Variants in FAM193B observed in about 807,000 individuals in gnomAD.
The protein encoded by FAM193B is protein FAM193B.
FAM193B carries 27 observed loss-of-function variants against 70.7 expected under a neutral mutation model. That is an observed-to-expected ratio of 0.38 (90% CI 0.28 to 0.53). FAM193B has a LOEUF of 0.53. Ranked by LOEUF, FAM193B falls within the 20% of genes least tolerant of loss-of-function variation. The pLI is 0.81. For synonymous variants in FAM193B, 448 were observed against 436.0 expected, an observed-to-expected ratio of 1.03 and a Z score of -0.34; for missense variants, 1,022 against 1,072.5, an observed-to-expected ratio of 0.95 and a Z score of 0.66.
chr5:177,524,163 G>A (rs772377418), intron 6 of FAM193B, 22 bp downstream of exon 6: 15 of 1,581,466 alleles, frequency 9.5e-6, no homozygotes, highest in Admixed American at 1.8e-5. Context: ...GGGGTCAGCC[G>A]CTCAGTTCCT....
intron 1 of FAM193B, chr5:177,553,839 A>G (rs1433409303): frequency 1.6e-6 from 2 of 1,281,156 alleles, no homozygotes; most frequent in Non-Finnish European, 2.0e-6. Flanking sequence ...CCGGGGGCAG[A>G]GGGAAGAGGC....
intron 5 of FAM193B, among the ~76,000 whole-genome samples, chr5:177,530,782 G>C (rs1216760936): frequency 6.6e-6 from 1 of 152,140 alleles, no homozygotes; most frequent in Non-Finnish European, 1.5e-5. Context: ...AAGCTGCTGT[G>C]GAATGTGCCG....
chr5:177,534,365 C>T (rs1205505004), intron 4 of FAM193B, among the ~76,000 whole-genome samples: 4 of 148,038 alleles, frequency 2.7e-5, no homozygotes, highest in Admixed American at 6.8e-5. Flanking sequence ...GTTGCGACCT[C>T]GGCTCACTGC....
chr5:177,539,710 T>A (rs1184520904), intron 1 of FAM193B, among the ~76,000 whole-genome samples: 1 of 152,210 alleles, frequency 6.6e-6, no homozygotes, highest in African/African-American at 2.4e-5. Flanking sequence ...GGAAATTGTG[T>A]CAGAGGGAAG....
intron 1 of FAM193B, among the ~76,000 whole-genome samples, chr5:177,540,290 G>C (rs1764696519): frequency 7.3e-6 from 1 of 136,440 alleles, no homozygotes; most frequent in African/African-American, 2.8e-5. Context: ...CTGGGCGACA[G>C]AGCGAGACTC....
At position 177,532,527 on chromosome 5, in the gene FAM193B, T is replaced by TCGCTCAGAGCTG. The variant is rs1763636186; in HGVS notation, c.1179_1190dup (p.Glu396_Ser399dup). The TCGCTCAGAGCTG allele has an allele frequency of 3.7e-6, 6 of 1,609,506 alleles. No individual in the cohort carries two copies. Among genetic ancestry groups the TCGCTCAGAGCTG allele is most frequent in the Non-Finnish European group, 5.1e-6 (6 of 1,178,370 alleles). On this transcript the variant is annotated inframe_insertion, in exon 5 of 9. Coordinates refer to ENST00000514747, the MANE Select transcript of FAM193B (RefSeq NM_001190946.3). This position sits in a 1 kb window ranked among gnomAD's most constrained non-coding sequence, Gnocchi z 4.9. ...GGGTGGAGGATGAGGTGCAGGAGCT[T>TCGCTCAGAGCTG]CGCTCAGAGCTGCTATCCTCTTCCT...
intron 8 of FAM193B, among the ~76,000 whole-genome samples, chr5:177,521,478 A>G (rs1761727309): frequency 1.3e-5 from 2 of 152,186 alleles, no homozygotes; most frequent in Admixed American, 1.3e-4. Context: ...CTCCATGCCT[A>G]AATGACCCAC....
intron 1 of FAM193B, among the ~76,000 whole-genome samples, chr5:177,540,944 C>A (rs1764778263): frequency 6.6e-6 from 1 of 152,128 alleles, no homozygotes; most frequent in Non-Finnish European, 1.5e-5. Flanking sequence ...ATTAGGGTAT[C>A]CTTAAACCTC....
chr5:177,531,357 G>A (rs1268093117), intron 5 of FAM193B: 3 of 1,361,910 alleles, frequency 2.2e-6, no homozygotes, highest in Non-Finnish European at 2.9e-6. Context: ...TGCTGTTGAT[G>A]AATTCCAGCA....
At chr5:177,553,721 G>T in intron 1 of FAM193B, 3 of 1,287,868 alleles carry the variant, frequency 2.3e-6, no homozygotes, top group Non-Finnish European at 3.0e-6. Flanking sequence ...GGGCAGCCTG[G>T]CTGTCTGCTC....
intron 1 of FAM193B, chr5:177,553,255 T>G (rs1581957568): frequency 2.0e-6 from 2 of 986,198 alleles, no homozygotes; most frequent in Non-Finnish European, 2.4e-6. Flanking sequence ...TGCTGCCCGA[T>G]GCAGTGTCTG....
intron 4 of FAM193B, among the ~76,000 whole-genome samples, chr5:177,534,199 T>TA: frequency 6.6e-6 from 1 of 152,110 alleles, no homozygotes; most frequent in Non-Finnish European, 1.5e-5. Flanking sequence ...TGACGTGGAT[T>TA]AAAAAAGATG....
At chr5:177,522,787 T>A (rs923695935) in intron 7 of FAM193B, among the ~76,000 whole-genome samples, 3 of 152,260 alleles carry the variant, frequency 2.0e-5, no homozygotes, top group Non-Finnish European at 4.4e-5. Flanking sequence ...CAATCTTGGC[T>A]TACTGCAACC....
chr5:177,523,299 C>T, intron 7 of FAM193B: 1 of 300,378 alleles, frequency 3.3e-6, no homozygotes, highest in South Asian at 2.5e-5. Flanking sequence ...CGCGCTTGGC[C>T]AAAAATACTA....
chr5:177,531,713 G>A lies in FAM193B; in HGVS notation c.1275+730C>T, dbSNP rs1416077358. The A allele has an allele frequency of 8.2e-6, 5 of 613,044 alleles. No homozygotes were observed. In the Admixed American group the frequency reaches 1.1e-4, roughly 14 times the overall value. The allele number at this position is 613,044 out of a possible 1,614,324, so 38.0% of individuals were successfully genotyped here. A position where few individuals can be genotyped will look rare whatever the true frequency, so the allele number is the denominator to read the frequency against. ...GGCAGTGGGTGAAGGGACTAGGAGGGAACAGGGCAGAGCTGGGCAAACACT... is the reference window on the plus strand; with the variant it reads ...GGCAGTGGGTGAAGGGACTAGGAGGAAACAGGGCAGAGCTGGGCAAACACT... On this transcript the variant is annotated intron_variant, in intron 5 of 8. Transcript: ENST00000514747.
At chr5:177,522,179 A>G in intron 7 of FAM193B, 108 bp from the exon 8 acceptor site, 2 of 880,708 alleles carry the variant, frequency 2.3e-6, no homozygotes, top group South Asian at 3.0e-5. Context: ...GGTTCTCTAC[A>G]AAACCTCTTT....
chr5:177,525,335 G>T, intron 5 of FAM193B, 130 bp from the exon 6 acceptor site: 2 of 971,606 alleles, frequency 2.1e-6, no homozygotes, highest in African/African-American at 1.7e-5. Context: ...ATCCTAGCCT[G>T]CTTACCCACC....
chr5:177,531,669 A>T (rs754316349), intron 5 of FAM193B: 1 of 742,822 alleles, frequency 1.3e-6, no homozygotes, highest in Non-Finnish European at 1.9e-6. Context: ...TCACCCTCTC[A>T]GCCAGGCTGA....
intron 4 of FAM193B, among the ~76,000 whole-genome samples, chr5:177,535,714 G>A (rs1764082903): frequency 6.6e-6 from 1 of 152,100 alleles, no homozygotes; most frequent in Non-Finnish European, 1.5e-5. Flanking sequence ...TTTAACTGGG[G>A]AAATGATCAT....
Sources: allele counts gnomAD v4.1 joint callset (sites outside exome capture counted in the v4.1 genomes callset), GRCh38; gene constraint gnomAD v4.1.1; non-coding constraint Gnocchi (gnomAD v3.1); transcripts MANE v1.5; gene names NCBI Gene and HGNC (gene_info 2026-07-23, HGNC 2026-07-21).